Variants in IDO2 observed in about 807,000 individuals in gnomAD.
IDO2 encodes the protein indoleamine 2,3-dioxygenase-like 1 protein.
Under a neutral mutation model 45.1 loss-of-function variants are expected in IDO2, and 46 were observed. The ratio of observed to expected loss-of-function variants is 1.02; its 90% confidence interval spans 0.80 to 1.30. IDO2 has a LOEUF of 1.30. Among genes scored for constraint, IDO2 ranks in the 50% most tolerant of loss-of-function variants. The pLI is 0.00. For synonymous variants in IDO2, 218 were observed against 184.9 expected, an observed-to-expected ratio of 1.18 and a Z score of -1.45; for missense variants, 544 against 491.8, an observed-to-expected ratio of 1.11 and a Z score of -1.00.
At chr8:39,964,177 T>C (rs545624208) in intron 3 of IDO2, among the ~76,000 whole-genome samples, 1 of 152,338 alleles carries the variant, frequency 6.6e-6, no homozygotes, top group South Asian at 2.1e-4. Context: ...AAACATCCAA[T>C]AAGCCTGTAA....
intron 9 of IDO2, among the ~76,000 whole-genome samples, chr8:40,012,299 T>C (rs1360497094): frequency 6.6e-6 from 1 of 152,210 alleles, no homozygotes; most frequent in Admixed American, 6.5e-5. Context: ...AAAGACGATA[T>C]TCCTTAGTAA....
chr8:39,939,831 G>A (rs1476342511), intron 1 of IDO2, among the ~76,000 whole-genome samples: 1 of 152,082 alleles, frequency 6.6e-6, no homozygotes, highest in African/African-American at 2.4e-5. Context: ...ATGTACCAGC[G>A]TTATCGATTT....
At position 39,941,388 on chromosome 8, in the gene IDO2, T is replaced by C. The variant is rs188975331; in HGVS notation, c.-18+6170T>C. Among the ~76,000 whole-genome samples, 906 of 152,280 alleles carry C rather than the reference T, an allele frequency of 5.9e-3. 8 individuals are homozygous for C. Among genetic ancestry groups the C allele is most frequent in the East Asian group, 0.015 (76 of 5,180 alleles). ...ACCAAAGAAACCAAATACCAGTTGT[T>C]TCAGGAGCAGTAAATCATTTTTGAG... is the stretch of plus-strand genomic sequence containing the variant. On this transcript the variant is annotated intron_variant, in intron 1 of 10. Coordinates refer to ENST00000502986, the Ensembl canonical transcript of IDO2.
intron 8 of IDO2, among the ~76,000 whole-genome samples, chr8:40,003,394 AAAC>A (rs60848124): frequency 7.1e-5 from 6 of 84,750 alleles, no homozygotes; most frequent in Non-Finnish European, 1.3e-4. Flanking sequence ...AAAAAAAAGA[AAAC>A]GAGAATATAT....
At chr8:39,971,207 T>C (rs1563431067) in intron 3 of IDO2, among the ~76,000 whole-genome samples, 1 of 152,202 alleles carries the variant, frequency 6.6e-6, no homozygotes. Context: ...CCTTACCAGC[T>C]ATGCTAAATC....
chr8:39,969,677 C>T (rs1048687818), intron 3 of IDO2, among the ~76,000 whole-genome samples: 3 of 152,160 alleles, frequency 2.0e-5, no homozygotes, highest in African/African-American at 4.8e-5. Flanking sequence ...GACTTCGAGA[C>T]CAGCCTGGCC....
At chr8:39,970,830 G>A (rs1427070792) in intron 3 of IDO2, among the ~76,000 whole-genome samples, 3 of 146,368 alleles carry the variant, frequency 2.0e-5, no homozygotes, top group African/African-American at 5.2e-5. Flanking sequence ...GCAGTGATGC[G>A]ATCTCAGCTC....
chr8:40,015,835 G>A (rs1802379969), exon 11 of IDO2: 1 of 474,088 alleles, frequency 2.1e-6, no homozygotes. Context: ...CATGTATAAT[G>A]GATACTTCCT....
intron 10 of IDO2, among the ~76,000 whole-genome samples, chr8:40,014,954 G>T (rs1802364364): frequency 2.0e-5 from 3 of 152,100 alleles, no homozygotes; most frequent in Admixed American, 1.3e-4. Flanking sequence ...TTCAAGACAA[G>T]CCTGGGCAAC....
At chr8:39,935,444 T>G (rs967143539) in intron 1 of IDO2, among the ~76,000 whole-genome samples, 1 of 152,030 alleles carries the variant, frequency 6.6e-6, no homozygotes, top group East Asian at 1.9e-4. Flanking sequence ...GTTGTTGTTG[T>G]TGTTGTTGTT....
chr8:39,989,422 C>A (rs1808469215), intron 7 of IDO2, among the ~76,000 whole-genome samples: 1 of 152,106 alleles, frequency 6.6e-6, no homozygotes, highest in South Asian at 2.1e-4. Context: ...TAGAACTGAT[C>A]ATAACGTGAC....
At chr8:39,938,570 G>GA (rs71237199) in intron 1 of IDO2, among the ~76,000 whole-genome samples, 1 of 151,570 alleles carries the variant, frequency 6.6e-6, no homozygotes, top group East Asian at 1.9e-4. Flanking sequence ...CGCAATCAAT[G>GA]AAAAAAAATG....
chr8:39,977,892 A>G (rs777750509), intron 3 of IDO2, among the ~76,000 whole-genome samples: 18 of 152,212 alleles, frequency 1.2e-4, no homozygotes, highest in Non-Finnish European at 5.9e-5. Flanking sequence ...TGTAATAATC[A>G]CATCAGAGTA....
intron 2 of IDO2, among the ~76,000 whole-genome samples, chr8:39,956,763 TTGGA>T (rs1807908484): frequency 6.6e-6 from 1 of 151,498 alleles, no homozygotes; most frequent in African/African-American, 2.4e-5. Flanking sequence ...CATAGTAGTC[TTGGA>T]TGGATGCGGT....
At chr8:40,002,145 T>C (rs1181174609) in intron 8 of IDO2, among the ~76,000 whole-genome samples, 14 of 152,172 alleles carry the variant, frequency 9.2e-5, no homozygotes, top group Non-Finnish European at 2.9e-5. Context: ...TTTTTAGTTT[T>C]TAATTCACAT....
chr8:39,967,908 G>A (rs368407688), intron 3 of IDO2, among the ~76,000 whole-genome samples: 1 of 152,148 alleles, frequency 6.6e-6, no homozygotes, highest in Non-Finnish European at 1.5e-5. Flanking sequence ...ATGCAAAATG[G>A]TACAGCCAGT....
At chr8:40,004,259 T>A (rs1802181239) in intron 8 of IDO2, among the ~76,000 whole-genome samples, 1 of 151,928 alleles carries the variant, frequency 6.6e-6, no homozygotes, top group South Asian at 2.1e-4. Flanking sequence ...AAGACATGAG[T>A]CACCCAGGCT....
chr8:40,001,003 T>C (rs1417595183), intron 8 of IDO2, among the ~76,000 whole-genome samples: 1 of 152,184 alleles, frequency 6.6e-6, no homozygotes, highest in Non-Finnish European at 1.5e-5. Flanking sequence ...TAAAAAATTA[T>C]TTTTATGTAG....
chr8:39,995,782 T>C (rs11779549), intron 8 of IDO2, among the ~76,000 whole-genome samples: 4,459 of 150,950 alleles, frequency 0.03, 96 homozygotes, highest in Non-Finnish European at 0.047. Flanking sequence ...CATACAGAGA[T>C]AGGAGCTAAA....
Sources: gnomAD v4.1 joint callset for allele counts (sites outside exome capture counted in the v4.1 genomes callset) on GRCh38, gnomAD v4.1.1 for gene constraint, MANE v1.5 for transcripts, NCBI Gene and HGNC (gene_info 2026-07-23, HGNC 2026-07-21) for gene names.